GRIK4: variants seen among roughly 807,000 people sequenced by gnomAD.
The protein encoded by GRIK4 is glutamate receptor ionotropic, kainate 4.
In GRIK4, 40 loss-of-function variants were observed where a neutral mutation model predicts 104.9. That is an observed-to-expected ratio of 0.38 (90% CI 0.30 to 0.50). GRIK4 has a LOEUF of 0.50. Among genes scored for constraint, GRIK4 ranks in the 20% least tolerant of loss-of-function variants. The pLI is 0.93. For synonymous variants in GRIK4, 485 were observed against 524.9 expected (o/e 0.92, Z 1.04); for missense variants, 1,047 against 1,308.1 (o/e 0.80, Z 3.08).
intron 3 of GRIK4, among the ~76,000 whole-genome samples, chr11:120,768,364 G>A (rs1398279712): frequency 6.6e-6 from 1 of 151,880 alleles, no homozygotes; most frequent in East Asian, 1.9e-4. Flanking sequence ...GTCATTATTT[G>A]TACATAGAAA....
At chr11:120,579,576 T>G (rs915394298) in intron 1 of GRIK4, among the ~76,000 whole-genome samples, 21 of 152,128 alleles carry the variant, frequency 1.4e-4, no homozygotes, top group Admixed American at 1.2e-3. Flanking sequence ...ACAGTATGAT[T>G]TATATTTGAA....
intron 13 of GRIK4, among the ~76,000 whole-genome samples, chr11:120,927,181 G>T (rs1197388561): frequency 4.8e-5 from 3 of 62,654 alleles, no homozygotes; most frequent in African/African-American, 9.2e-5. Flanking sequence ...GTAAGGAGTT[G>T]GGTCTTTATG....
At chr11:120,955,481 C>T (rs1319581314) in intron 15 of GRIK4, among the ~76,000 whole-genome samples, 1 of 152,214 alleles carries the variant, frequency 6.6e-6, no homozygotes, top group African/African-American at 2.4e-5. Flanking sequence ...CCTGGGGGTG[C>T]ACACCTGTGC....
chr11:120,634,890 G>C (rs1442810101), intron 1 of GRIK4, among the ~76,000 whole-genome samples: 2 of 152,182 alleles, frequency 1.3e-5, no homozygotes, highest in African/African-American at 2.4e-5. Context: ...CAGGTGGCCA[G>C]ACTGAGCATC....
intron 11 of GRIK4, among the ~76,000 whole-genome samples, chr11:120,880,479 G>T (rs1322285714): frequency 6.6e-6 from 1 of 152,160 alleles, no homozygotes. Context: ...TGAAGAACTG[G>T]GTCTGAGTAC....
intron 6 of GRIK4, among the ~76,000 whole-genome samples, chr11:120,821,882 T>C (rs992107783): frequency 6.6e-6 from 1 of 152,062 alleles, no homozygotes; most frequent in African/African-American, 2.4e-5. Flanking sequence ...GCAGACTTGA[T>C]GGAAAACTAA....
chr11:120,635,638 G>A (rs1051444876), intron 1 of GRIK4, among the ~76,000 whole-genome samples: 1 of 152,250 alleles, frequency 6.6e-6, no homozygotes, highest in African/African-American at 2.4e-5. Context: ...GTTGCCTGCA[G>A]AGTGAATGGG....
In GRIK4 at chr11:120,966,848, A is replaced by G. The variant is rs11218087; in HGVS notation, c.2267-347A>G. Reference sequence around the variant, plus strand: ...GACCATCTTTTTAATTTAGAAAGTGATGGTGCCCGGCTGGGGAAGTGGATG... The same window carrying G: ...GACCATCTTTTTAATTTAGAAAGTGGTGGTGCCCGGCTGGGGAAGTGGATG... On this transcript the variant is annotated intron_variant, in intron 18 of 20. Transcript: ENST00000527524. Among the ~76,000 whole-genome samples, 859 of 152,234 alleles carry G rather than the reference A, an allele frequency of 5.6e-3. 7 individuals are homozygous for G. The highest frequency in any genetic ancestry group is 0.02 in the African/African-American group (822 of 41,538).
At chr11:120,713,708 C>T (rs779303197) in intron 3 of GRIK4, among the ~76,000 whole-genome samples, 4 of 152,050 alleles carry the variant, frequency 2.6e-5, no homozygotes, top group East Asian at 1.9e-4. Flanking sequence ...GAGGTGGCTA[C>T]GAGGGACTTG....
At chr11:120,660,448 T>C (rs1252680692) in intron 3 of GRIK4, 48 bp downstream of exon 3, 2 of 1,406,064 alleles carry the variant, frequency 1.4e-6, no homozygotes, top group Non-Finnish European at 2.0e-6. Flanking sequence ...CTATCCCAGG[T>C]GTCCACAAGG....
intron 1 of GRIK4, among the ~76,000 whole-genome samples, chr11:120,566,798 G>A (rs182133047): frequency 4.1e-4 from 62 of 151,044 alleles, no homozygotes; most frequent in African/African-American, 1.5e-3. Flanking sequence ...CCACCTCCCG[G>A]GTTCAAGTGA....
intron 8 of GRIK4, among the ~76,000 whole-genome samples, chr11:120,840,038 C>T (rs535279453): frequency 6.6e-6 from 1 of 152,274 alleles, no homozygotes; most frequent in Non-Finnish European, 1.5e-5. Context: ...CCAGAGAGAG[C>T]GGAGGCTGCT....
At chr11:120,894,342 A>T (rs1942508253) in intron 11 of GRIK4, 1 of 152,214 alleles carries the variant, frequency 6.6e-6, no homozygotes, top group Non-Finnish European at 1.5e-5. Flanking sequence ...TCATCAGCAG[A>T]GAAGCCGGGT....
chr11:120,855,481 AT>A, intron 8 of GRIK4, among the ~76,000 whole-genome samples: 1 of 152,218 alleles, frequency 6.6e-6, no homozygotes, highest in East Asian at 1.9e-4. Flanking sequence ...GTGATTATTC[AT>A]GGTTGGAAGA....
intron 3 of GRIK4, among the ~76,000 whole-genome samples, chr11:120,750,350 C>CTTTTT (rs869135246): frequency 9.2e-5 from 7 of 76,112 alleles, no homozygotes; most frequent in Non-Finnish European, 1.2e-4. Context: ...CTAGAAATCT[C>CTTTTT]TTTTTTTTTT....
chr11:120,627,840 T>G (rs1291372092), intron 1 of GRIK4, among the ~76,000 whole-genome samples: 1 of 152,236 alleles, frequency 6.6e-6, no homozygotes, highest in Non-Finnish European at 1.5e-5. Flanking sequence ...GAAATCATTC[T>G]TCAAGTCATA....
chr11:120,585,343 C>CT (rs138152898), intron 1 of GRIK4, among the ~76,000 whole-genome samples: 4,211 of 143,744 alleles, frequency 0.029, 92 homozygotes, highest in African/African-American at 0.066. Flanking sequence ...CTCTCTCTCT[C>CT]TTTTTTTTTT....
chr11:120,672,368 A>AGAGG (rs1950033595), intron 3 of GRIK4, among the ~76,000 whole-genome samples: 2 of 152,132 alleles, frequency 1.3e-5, no homozygotes, highest in Admixed American at 1.3e-4. Flanking sequence ...GTGAGCCAGG[A>AGAGG]TTGCACCACT....
At chr11:120,955,907 A>G (rs1023833527) in intron 15 of GRIK4, among the ~76,000 whole-genome samples, 1 of 151,800 alleles carries the variant, frequency 6.6e-6, no homozygotes, top group Non-Finnish European at 1.5e-5. Context: ...CAGTATGGAC[A>G]CTGGCCCGGT....
Sources: gnomAD v4.1 joint callset for allele counts (sites outside exome capture counted in the v4.1 genomes callset) on GRCh38, gnomAD v4.1.1 for gene constraint, MANE v1.5 for transcripts, NCBI Gene and HGNC (gene_info 2026-07-23, HGNC 2026-07-21) for gene names.